LRP2BP: variants seen among roughly 807,000 people sequenced by gnomAD.
The protein encoded by LRP2BP is LRP2-binding protein.
A neutral mutation model predicts 45.2 loss-of-function variants in LRP2BP; 38 were observed. The ratio of observed to expected loss-of-function variants is 0.84; its 90% CI spans 0.65 to 1.10. LRP2BP has a LOEUF of 1.10. Among genes scored for constraint, LRP2BP ranks in the 50% least tolerant of loss-of-function variants. The pLI is 0.00. For missense variants in LRP2BP, 385 were observed against 418.9 expected, an observed-to-expected ratio of 0.92 and a Z score of 0.71; for synonymous variants, 153 against 153.9, an observed-to-expected ratio of 0.99 and a Z score of 0.04.
At chr4:185,372,250 G>T (rs988950339) in intron 7 of LRP2BP, among the ~76,000 whole-genome samples, 2 of 152,156 alleles carry the variant, frequency 1.3e-5, no homozygotes, top group African/African-American at 4.8e-5. Flanking sequence ...TGCTATAAAG[G>T]TATTCTCTTC....
intron 7 of LRP2BP, among the ~76,000 whole-genome samples, chr4:185,372,015 C>T (rs770417496): frequency 8.5e-5 from 13 of 152,136 alleles, no homozygotes; most frequent in Non-Finnish European, 1.8e-4. Context: ...TGGGTAAATA[C>T]GTGTAGGAAA....
At position 185,378,228 on chromosome 4, in the gene LRP2BP, T is replaced by A. The variant is rs776861782; in HGVS notation, c.-21-21A>T. The A allele has an allele frequency of 6.9e-6, 11 of 1,602,940 alleles. No homozygotes were observed. In the African/African-American group the frequency reaches 1.4e-4, roughly 20 times the overall value. On this transcript the variant is annotated intron_variant, in intron 1 of 8. Coordinates refer to ENST00000505916, the MANE Select transcript of LRP2BP (RefSeq NM_001377440.1). ...GTATTCTATAAGCAAGAAGAAAAAATAAGTGGTAGAAATTTCTTCCTCCAG... is the reference window on the plus strand; with the variant it reads ...GTATTCTATAAGCAAGAAGAAAAAAAAAGTGGTAGAAATTTCTTCCTCCAG...
chr4:185,387,044 G>A (rs996200280), intron 1 of LRP2BP, among the ~76,000 whole-genome samples: 15 of 152,114 alleles, frequency 9.9e-5, no homozygotes, highest in African/African-American at 2.7e-4. Context: ...TTAGGAGTTC[G>A]AGACCAGCCT....
At position 185,366,997 on chromosome 4, in the gene LRP2BP, T is replaced by C. The variant is rs2095390175; in HGVS notation, c.*183A>G. 1.8e-6 allele frequency: 1 copy of C among 554,846 alleles called. No homozygotes were observed. Among genetic ancestry groups the C allele is most frequent in the Non-Finnish European group, 3.2e-6 (1 of 313,252 alleles). The allele number at this position is 554,846 out of a possible 1,614,324, so 34.4% of individuals were successfully genotyped here. A position where few individuals can be genotyped will look rare whatever the true frequency, so the allele number is the denominator to read the frequency against. ...GGACTCTTCCAGCAATTTGACCTTG[T>C]GTCTAGGTTTCAAGTTGCAAAACTT... On this transcript the variant is annotated 3_prime_UTR_variant, in exon 9 of 9. Transcript: ENST00000505916.
intron 1 of LRP2BP, among the ~76,000 whole-genome samples, chr4:185,381,235 T>G (rs1422087253): frequency 6.6e-6 from 1 of 152,222 alleles, no homozygotes; most frequent in East Asian, 1.9e-4. Flanking sequence ...TTGACATTGA[T>G]TCATCCATTT....
rs974640947 is a variant in LRP2BP at position 185,395,192 on chromosome 4, G to C, written c.-435C>G. 1 of 985,318 alleles carries C rather than the reference G, an allele frequency of 1.0e-6. No homozygotes were observed. The allele number at this position is 985,318 out of a possible 1,614,324, so 61.0% of individuals were successfully genotyped here. ...AATTTCCTTTCCTTATGAAATTTAC[G>C]TATGTAACAGGAAGTTAAAAAATAA... On this transcript the variant is annotated 5_prime_UTR_variant, in exon 1 of 9. Transcript: ENST00000505916.
chr4:185,375,490 A>ATATATATATG (rs2095431840), intron 4 of LRP2BP, 123 bp downstream of exon 4: 1 of 49,098 alleles, frequency 2.0e-5, no homozygotes, highest in Non-Finnish European at 3.2e-5. Flanking sequence ...AAAAAAAAAT[A>ATATATATATG]TATATATATA....
In LRP2BP at chr4:185,378,014, T is replaced by G. The variant is rs1019406551; in HGVS notation, c.106+67A>C. Reference sequence around the variant, plus strand: ...AAAACACATTATTTCTTGTCTCGTTTGCTCTAGCATGCAAAATGAACTGTT... The same window carrying G: ...AAAACACATTATTTCTTGTCTCGTTGGCTCTAGCATGCAAAATGAACTGTT... On this transcript the variant is annotated intron_variant, in intron 2 of 8. Transcript: ENST00000505916. The G allele has an allele frequency of 1.6e-5, 20 of 1,244,806 alleles. No individual in the cohort carries two copies. In the African/African-American group the frequency reaches 2.3e-4, roughly 14 times the overall value. 77.1% of individuals were successfully genotyped at this position (1,244,806 alleles called of 1,614,324 possible).
At chr4:185,392,968 C>T (rs1354727338) in intron 1 of LRP2BP, among the ~76,000 whole-genome samples, 2 of 152,208 alleles carry the variant, frequency 1.3e-5, no homozygotes, top group East Asian at 1.9e-4. Flanking sequence ...AGGCCTCACT[C>T]GGTCACCCAG....
At chr4:185,380,042 C>G (rs756222925) in intron 1 of LRP2BP, among the ~76,000 whole-genome samples, 2 of 152,174 alleles carry the variant, frequency 1.3e-5, no homozygotes, top group Non-Finnish European at 2.9e-5. Context: ...AGGCTGGTCT[C>G]AAGTTCCTGG....
At chr4:185,378,280 C>A in intron 1 of LRP2BP, 73 bp from the exon 2 acceptor site, 1 of 1,546,300 alleles carries the variant, frequency 6.5e-7, no homozygotes. Flanking sequence ...ACTCTATTCC[C>A]ACCAGGTGCT....
intron 1 of LRP2BP, among the ~76,000 whole-genome samples, chr4:185,382,832 G>C (rs2095459427): frequency 6.6e-6 from 1 of 152,200 alleles, no homozygotes; most frequent in South Asian, 2.1e-4. Flanking sequence ...ATGAAGTCCA[G>C]TTTTTCTATT....
At chr4:185,397,005 G>C (rs2095505264), upstream of LRP2BP, 2 of 1,611,940 alleles carry the variant, frequency 1.2e-6, no homozygotes, top group African/African-American at 2.7e-5. Context: ...CAAGCTTCTA[G>C]ATTCGTCTTC....
chr4:185,381,356 G>A (rs971124254), intron 1 of LRP2BP, among the ~76,000 whole-genome samples: 3 of 152,196 alleles, frequency 2.0e-5, no homozygotes, highest in Middle Eastern at 3.4e-3. Context: ...TGTTTTGGAC[G>A]ATTAGGAACA....
rs549024127 is a variant in LRP2BP, at chr4:185,375,408, G to A, written c.330+205C>T. Among the ~76,000 whole-genome samples, 513 of 129,736 alleles carry A rather than the reference G, an allele frequency of 4.0e-3. 2 individuals carry two copies. Among genetic ancestry groups the A allele is most frequent in the Non-Finnish European group, 5.8e-3 (362 of 62,484 alleles). The allele number at this position is 129,736 out of a possible 152,430, so 85.1% of individuals were successfully genotyped here. ...GAAGCAGAGGTTGCAGTGAGCCGAG[G>A]TCGCGCCATTGCACTCCAGCCTGGG... On this transcript the variant is annotated intron_variant, in intron 4 of 8. Coordinates refer to ENST00000505916, the MANE Select transcript of LRP2BP (RefSeq NM_001377440.1).
At chr4:185,384,045 A>G (rs2095463208) in intron 1 of LRP2BP, among the ~76,000 whole-genome samples, 2 of 152,188 alleles carry the variant, frequency 1.3e-5, no homozygotes, top group Non-Finnish European at 2.9e-5. Flanking sequence ...AGTACCTGCT[A>G]TGCTTAGAGT....
At chr4:185,375,028 C>T (rs1403232698) in intron 4 of LRP2BP, among the ~76,000 whole-genome samples, 1 of 152,106 alleles carries the variant, frequency 6.6e-6, no homozygotes, top group Non-Finnish European at 1.5e-5. Context: ...AAGAACAGAT[C>T]TGTACCCTCC....
intron 1 of LRP2BP, among the ~76,000 whole-genome samples, chr4:185,393,432 G>A (rs1457484283): frequency 6.6e-6 from 1 of 152,058 alleles, no homozygotes; most frequent in Non-Finnish European, 1.5e-5. Flanking sequence ...CAGCAAGCAA[G>A]AAATAGATAA....
chr4:185,388,878 T>A, intron 1 of LRP2BP, among the ~76,000 whole-genome samples: 1 of 152,068 alleles, frequency 6.6e-6, no homozygotes, highest in Non-Finnish European at 1.5e-5. Flanking sequence ...AAAATAATAA[T>A]AATTATTATT....
Sources: allele counts gnomAD v4.1 joint callset (sites outside exome capture counted in the v4.1 genomes callset), GRCh38; gene constraint gnomAD v4.1.1; transcripts MANE v1.5; gene names NCBI Gene and HGNC (gene_info 2026-07-23, HGNC 2026-07-21).